Variants in CARMIL2 observed in about 807,000 individuals in gnomAD.
CARMIL2 encodes the protein capping protein regulator and myosin 1 linker 2.
A neutral mutation model predicts 173.3 loss-of-function variants in CARMIL2; 96 were observed. The ratio of observed to expected loss-of-function variants is 0.55; its 90% CI spans 0.47 to 0.66. CARMIL2 has a LOEUF of 0.66. Among genes scored for constraint, CARMIL2 ranks in the 30% least tolerant of loss-of-function variants. The probability of loss-of-function intolerance (pLI) is 0.00; values close to 1 mark genes in which losing one functional copy is unlikely to be tolerated. For synonymous variants in CARMIL2, 830 were observed against 817.1 expected, an observed-to-expected ratio of 1.02 and a Z score of -0.27; for missense variants, 1,771 against 1,906.7, an observed-to-expected ratio of 0.93 and a Z score of 1.33.
Position 67,656,654 on chromosome 16 carries a change from G to T in CARMIL2, c.4036+9G>T. On this transcript the variant is annotated intron_variant, in intron 35 of 37. Transcript: ENST00000334583. ...GGGCCCCAGAAATGAAGGTAGGCAG[G>T]CACCTGATTCCCCACCCCAATCCTG... is the stretch of plus-strand genomic sequence containing the variant. The T allele has an allele frequency of 6.3e-7, 1 of 1,581,872 alleles. No homozygotes were observed. The highest frequency in any genetic ancestry group is 8.6e-7 in the Non-Finnish European group (1 of 1,164,510).
rs765042858 is a variant in CARMIL2, at chr16:67,646,059, G to T, written c.228G>T (p.Ala76=). The T allele has an allele frequency of 1.2e-6, 2 of 1,613,680 alleles. No individual in the cohort carries two copies. Among genetic ancestry groups the T allele is most frequent in the African/African-American group, 2.7e-5 (2 of 74,936 alleles). ...GCTACCTGGAGGTCCAGGCCATGGCGCTGCAGGAGACACCCCCTCAGGTGA... is the reference window on the plus strand; with the variant it reads ...GCTACCTGGAGGTCCAGGCCATGGCTCTGCAGGAGACACCCCCTCAGGTGA... ...TFSYLEVQAM[A]LQETPPQVTF... Residue 76 remains alanine (A), a synonymous_variant, in exon 4 of 38, where the codon GCG becomes GCT. Transcript: ENST00000334583. This position sits in a 1 kb window ranked among gnomAD's most constrained non-coding sequence, Gnocchi z 4.6.
rs371241229 is a variant in CARMIL2, at chr16:67,651,180, G to A, written c.2185-7G>A. The A allele has an allele frequency of 1.5e-5, 24 of 1,611,724 alleles. No individual in the cohort carries two copies. Among genetic ancestry groups the A allele is most frequent in the South Asian group, 5.5e-5 (5 of 90,744 alleles). ...CTAGGCTGAGACTGATCCCCATTTC[G>A]CCCCAGGAAGTGAATGAATTGTGTC... On this transcript the variant is annotated splice_region_variant and splice_polypyrimidine_tract_variant and intron_variant, in intron 22 of 37. Coordinates refer to ENST00000334583, the MANE Select transcript of CARMIL2 (RefSeq NM_001013838.3). The surrounding 1 kb of genome is among the most constrained non-coding windows in gnomAD (Gnocchi z 4.2).
In CARMIL2 at chr16:67,646,487, T is replaced by A; in HGVS notation, c.436T>A (p.Ser146Thr). 6.2e-7 allele frequency: 1 copy of A among 1,613,218 alleles called. No homozygotes were observed. The highest frequency in any genetic ancestry group is 8.5e-7 in the Non-Finnish European group (1 of 1,179,820). ...MLARLERSSP[S>T]ESTDPCSPCG... ...GGCTCGGCTGGAGAGAAGCAGCCCC[T>A]CGGAGTCCACTGACCCCTGCAGCCC... The change falls in exon 6 of 38, where the codon TCG becomes ACG. Residue 146 changes from serine (S) to threonine (T), a missense_variant. Physicochemically the swap from Ser to Thr is moderately conservative, Grantham distance 58. This residue lies in a region of CARMIL2 where 944 missense variants were observed against 975.6 expected (regional missense o/e 0.97). Transcript: ENST00000334583. The surrounding 1 kb of genome is among the most constrained non-coding windows in gnomAD (Gnocchi z 4.6).
At position 67,657,430 on chromosome 16, in the gene CARMIL2, T is replaced by A. The variant is rs755922786; in HGVS notation, c.4220T>A (p.Leu1407Gln). The A allele has an allele frequency of 2.5e-6, 4 of 1,608,860 alleles. No individual in the cohort carries two copies. Among genetic ancestry groups the A allele is most frequent in the Non-Finnish European group, 3.4e-6 (4 of 1,177,770 alleles). Residue 1407 changes from leucine to glutamine, a missense_variant, in exon 38 of 38, where the codon CTG becomes CAG. Leu to Gln is a moderately radical substitution (Grantham distance 113). This residue lies in a region of CARMIL2 where 817 missense variants were observed against 903.5 expected (regional missense o/e 0.90). Transcript: ENST00000334583. The surrounding 1 kb of genome is among the most constrained non-coding windows in gnomAD (Gnocchi z 4.5). ...GGATCTGGCCTTGGAACCGAGCCTC[T>A]GCCCCCACAGCCCACAGAGCCCTCC... Reference protein sequence around the residue: ...SLGSGLGTEPLPPQPTEPSSP... With the variant: ...SLGSGLGTEPQPPQPTEPSSP...
Position 67,649,397 on chromosome 16 carries a change from C to G in CARMIL2, c.1747-50C>G. 1 of 1,609,820 alleles carries G rather than the reference C, an allele frequency of 6.2e-7. No individual in the cohort carries two copies. The highest frequency in any genetic ancestry group is 8.5e-7 in the Non-Finnish European group (1 of 1,178,780). ...TTGTTCCCTCAGACCCTGTGACCTG[C>G]CCTCACTGACCCCTGACTCCAGCCA... On this transcript the variant is annotated intron_variant, in intron 19 of 37. Transcript: ENST00000334583. The surrounding 1 kb of genome is among the most constrained non-coding windows in gnomAD (Gnocchi z 6.7).
In CARMIL2 at chr16:67,645,215, A is replaced by G. The variant is rs2142905695; in HGVS notation, c.-32A>G. The G allele has an allele frequency of 6.4e-7, 1 of 1,552,502 alleles. No individual in the cohort carries two copies. Among genetic ancestry groups the G allele is most frequent in the East Asian group, 2.4e-5 (1 of 42,016 alleles). On this transcript the variant is annotated 5_prime_UTR_variant, in exon 1 of 38. Transcript: ENST00000334583. ...CTCGTCCTCTGCTGTTTCCCGCCGG[A>G]GCTCGTTGGGCCTCCCCGGCCCGCC...
chr16:67,655,476 A>G (rs2142952419), intron 32 of CARMIL2, among the ~76,000 whole-genome samples: 1 of 152,358 alleles, frequency 6.6e-6, no homozygotes, highest in South Asian at 2.1e-4. Context: ...TGTGCTTGAA[A>G]TAGCAAGTCC....
chr16:67,654,553 TTGG>T lies in CARMIL2; in HGVS notation c.3447_3449del (p.Gly1150del). The T allele has an allele frequency of 6.2e-7, 1 of 1,611,978 alleles. No homozygotes were observed. ...ACCCGTCCCAGCCGTGGTGAGGAGCTTGGTGGGGCTGAGGGGGACACCAGCAGC... is the reference window on the plus strand; with the variant it reads ...ACCCGTCCCAGCCGTGGTGAGGAGCTTGGGGCTGAGGGGGACACCAGCAGC... On this transcript the variant is annotated inframe_deletion, in exon 31 of 38. Coordinates refer to ENST00000334583, the MANE Select transcript of CARMIL2 (RefSeq NM_001013838.3).
In CARMIL2 at chr16:67,652,953, C is replaced by A; in HGVS notation, c.2885-66C>A. 4 of 844,876 alleles carry A rather than the reference C, an allele frequency of 4.7e-6. No homozygotes were observed. Among genetic ancestry groups the A allele is most frequent in the Non-Finnish European group, 6.3e-6 (4 of 633,500 alleles). The allele number at this position is 844,876 out of a possible 1,614,324, so 52.3% of individuals were successfully genotyped here. On this transcript the variant is annotated intron_variant, in intron 28 of 37. Transcript: ENST00000334583. The surrounding 1 kb of genome is among the most constrained non-coding windows in gnomAD (Gnocchi z 4.7). ...GCGCCCTGGGCGGGTCCCCCGCCGC[C>A]CTAGCGCCTCCGCCGCCACCTCCCC...
chr16:67,651,102 C>T lies in CARMIL2; in HGVS notation c.2185-85C>T. On this transcript the variant is annotated intron_variant, in intron 22 of 37. Coordinates refer to ENST00000334583, the MANE Select transcript of CARMIL2 (RefSeq NM_001013838.3). The surrounding 1 kb of genome is among the most constrained non-coding windows in gnomAD (Gnocchi z 4.2). ...AGGGTGTCAGCTTCAGGACCTCCCTCTGTTAAAGAGCCTGGGAGGAAGGCA... is the reference window on the plus strand; with the variant it reads ...AGGGTGTCAGCTTCAGGACCTCCCTTTGTTAAAGAGCCTGGGAGGAAGGCA... 1 of 1,503,792 alleles carries T rather than the reference C, an allele frequency of 6.6e-7. No individual in the cohort carries two copies. Among genetic ancestry groups the T allele is most frequent in the East Asian group, 2.4e-5 (1 of 41,094 alleles). 93.2% of individuals were successfully genotyped at this position (1,503,792 alleles called of 1,614,324 possible). A position where few individuals can be genotyped will look rare whatever the true frequency, so the allele number is the denominator to read the frequency against.
rs2052646613 is a variant in CARMIL2, at chr16:67,648,530, C to G, written c.1439+28C>G. 1 of 1,458,676 alleles carries G rather than the reference C, an allele frequency of 6.9e-7. No individual in the cohort carries two copies. Among genetic ancestry groups the G allele is most frequent in the Non-Finnish European group, 9.1e-7 (1 of 1,096,018 alleles). The allele number at this position is 1,458,676 out of a possible 1,614,324, so 90.4% of individuals were successfully genotyped here. Reference sequence around the variant, plus strand: ...CAGTGTCGGACCCCGGCCACGCCCCCGCGGGCGCTCCCACCCTGCCCTGGC... The same window carrying G: ...CAGTGTCGGACCCCGGCCACGCCCCGGCGGGCGCTCCCACCCTGCCCTGGC... On this transcript the variant is annotated intron_variant, in intron 15 of 37. Transcript: ENST00000334583. This position sits in a 1 kb window ranked among gnomAD's most constrained non-coding sequence, Gnocchi z 6.1.
Position 67,646,371 on chromosome 16 carries a change from T to C in CARMIL2, c.375-55T>C. 4.4e-6 allele frequency: 7 copies of C among 1,607,498 alleles called. No homozygotes were observed. Among genetic ancestry groups the C allele is most frequent in the Non-Finnish European group, 6.0e-6 (7 of 1,175,588 alleles). Reference sequence around the variant, plus strand: ...GGAGGGAGTGCATGAGAAGGGCTGCTTCCCATCCCAGAGGCTGGAAGTCCT... The same window carrying C: ...GGAGGGAGTGCATGAGAAGGGCTGCCTCCCATCCCAGAGGCTGGAAGTCCT... On this transcript the variant is annotated intron_variant, in intron 5 of 37. Transcript: ENST00000334583. The surrounding 1 kb of genome is among the most constrained non-coding windows in gnomAD (Gnocchi z 4.6).
In CARMIL2 at chr16:67,653,718, G is replaced by GC. The variant is rs896344679; in HGVS notation, c.3121-425dup. On this transcript the variant is annotated intron_variant, in intron 29 of 37. Transcript: ENST00000334583. This position sits in a 1 kb window ranked among gnomAD's most constrained non-coding sequence, Gnocchi z 7.4. ...GAGGGCGGGGAGGAGCCGGCTTGAG[G>GC]CCCCCCAGAGGGTCTGACGCAGCAG... 2.7e-5 allele frequency among the ~76,000 whole-genome samples: 4 copies of GC among 150,756 alleles called. No individual in the cohort carries two copies. Among genetic ancestry groups the GC allele is most frequent in the Non-Finnish European group, 3.0e-5 (2 of 67,688 alleles).
chr16:67,656,397 T>C, intron 34 of CARMIL2, 27 bp from the exon 35 acceptor site: 1 of 1,608,476 alleles, frequency 6.2e-7, no homozygotes, highest in Non-Finnish European at 8.5e-7. Context: ...CCTGACCAGG[T>C]CTTGGCTGAC....
Position 67,646,616 on chromosome 16 carries a change from A to G in CARMIL2, c.467-98A>G, listed in dbSNP as rs2052598954. 1 of 1,567,732 alleles carries G rather than the reference A, an allele frequency of 6.4e-7. No homozygotes were observed. On this transcript the variant is annotated intron_variant, in intron 6 of 37. Transcript: ENST00000334583. This position sits in a 1 kb window ranked among gnomAD's most constrained non-coding sequence, Gnocchi z 4.6. ...GGCCCCAAACTGAACAGAGCCATTCAGGTCCCAGCCACCACCTAGTCTGTG... is the reference window on the plus strand; with the variant it reads ...GGCCCCAAACTGAACAGAGCCATTCGGGTCCCAGCCACCACCTAGTCTGTG...
At chr16:67,647,258 G>T in intron 9 of CARMIL2, 41 bp from the exon 10 acceptor site, 2 of 1,611,466 alleles carry the variant, frequency 1.2e-6, no homozygotes. Context: ...CCCGCTGAGG[G>T]CCAGGGTGCA....
chr16:67,650,160 C>T lies in CARMIL2; in HGVS notation c.2184+10C>T. On this transcript the variant is annotated intron_variant, in intron 22 of 37. Coordinates refer to ENST00000334583, the MANE Select transcript of CARMIL2 (RefSeq NM_001013838.3). Reference sequence around the variant, plus strand: ...AGACCCCTCAGAGCAGGTCAATGTCCCCTCCCCAACCACGAGAGGTAGGGC... The same window carrying T: ...AGACCCCTCAGAGCAGGTCAATGTCTCCTCCCCAACCACGAGAGGTAGGGC... 2 of 1,603,016 alleles carry T rather than the reference C, an allele frequency of 1.2e-6. No individual in the cohort carries two copies. The highest frequency in any genetic ancestry group is 1.1e-5 in the South Asian group (1 of 89,758).
intron 29 of CARMIL2, 61 bp from the exon 30 acceptor site, chr16:67,654,088 G>GGGT (rs2052784281): frequency 9.0e-7 from 1 of 1,110,014 alleles, no homozygotes; most frequent in Non-Finnish European, 1.3e-6. Flanking sequence ...GCCGGGGGGG[G>GGGT]GGGGGGGTAG....
rs1200340046 is a variant in CARMIL2, at chr16:67,653,123, C to G, written c.2989C>G (p.Pro997Ala). 8.9e-7 allele frequency: 1 copy of G among 1,124,476 alleles called. No individual in the cohort carries two copies. Among genetic ancestry groups the G allele is most frequent in the Non-Finnish European group, 1.1e-6 (1 of 918,130 alleles). The allele number at this position is 1,124,476 out of a possible 1,614,324, so 69.7% of individuals were successfully genotyped here. ...SARGSPSPAA[P>A]GPPAGPLPRM... ...GCGCGGCTCTCCGAGCCCTGCCGCC[C>G]CTGGGCCCCCGGCCGGCCCGCTGCC... The change falls in exon 29 of 38, where the codon CCT (proline) becomes GCT (alanine). Residue 997 changes from proline to alanine, a missense_variant. Coordinates refer to ENST00000334583, the MANE Select transcript of CARMIL2 (RefSeq NM_001013838.3). This position sits in a 1 kb window ranked among gnomAD's most constrained non-coding sequence, Gnocchi z 7.4.
Sources: gnomAD v4.1 joint callset for allele counts (sites outside exome capture counted in the v4.1 genomes callset) on GRCh38, gnomAD v4.1.1 for gene constraint, gnomAD v4.1.1 regional missense constraint, Gnocchi (gnomAD v3.1) non-coding constraint, MANE v1.5 for transcripts, NCBI Gene and HGNC (gene_info 2026-07-23, HGNC 2026-07-21) for gene names.